The following VPS13B variants were observed in gnomAD, a reference collection of about 807,000 sequenced individuals.
VPS13B encodes the protein intermembrane lipid transfer protein VPS13B.
Under a neutral mutation model 426.4 loss-of-function variants are expected in VPS13B, and 285 were observed. The observed-to-expected ratio is 0.67, with a 90% CI of 0.61 to 0.74. VPS13B has a LOEUF of 0.74. Among genes scored for constraint, VPS13B ranks in the 30% least tolerant of loss-of-function variants. VPS13B has a pLI of 0.00. For missense variants in VPS13B, 4,537 were observed against 4,782.6 expected (o/e 0.95, Z 1.51); for synonymous variants, 1,676 against 1,676.4 (o/e 1.00, Z 0.01).
At chr8:99,051,363 G>A (rs1393342233) in intron 3 of VPS13B, among the ~76,000 whole-genome samples, 2 of 151,752 alleles carry the variant, frequency 1.3e-5, no homozygotes, top group African/African-American at 4.8e-5. Context: ...TATTTCTGAG[G>A]GCTCTGTTCT....
intron 19 of VPS13B, among the ~76,000 whole-genome samples, chr8:99,314,019 G>A (rs774190870): frequency 1.4e-4 from 21 of 152,194 alleles, no homozygotes; most frequent in Admixed American, 1.2e-3. Flanking sequence ...CGTTGGAAAA[G>A]TGTAGTAGTA....
intron 19 of VPS13B, among the ~76,000 whole-genome samples, chr8:99,301,040 C>T (rs1411969206): frequency 1.3e-5 from 2 of 151,662 alleles, no homozygotes; most frequent in Non-Finnish European, 2.9e-5. Context: ...CATGGTGAAA[C>T]CCCATCTCTA....
chr8:99,745,682 T>C (rs1360188324), intron 39 of VPS13B, among the ~76,000 whole-genome samples: 2 of 152,068 alleles, frequency 1.3e-5, no homozygotes, highest in South Asian at 2.1e-4. Flanking sequence ...GACTACTCTA[T>C]ATAGAAGTAG....
intron 35 of VPS13B, among the ~76,000 whole-genome samples, chr8:99,685,468 G>A (rs544228079): frequency 6.6e-6 from 1 of 152,284 alleles, no homozygotes; most frequent in South Asian, 2.1e-4. Flanking sequence ...ACATAATCTA[G>A]TTCCTTGTGG....
At chr8:99,813,157 A>G (rs1004950552) in intron 44 of VPS13B, among the ~76,000 whole-genome samples, 1 of 152,166 alleles carries the variant, frequency 6.6e-6, no homozygotes, top group Non-Finnish European at 1.5e-5. Flanking sequence ...CTGAGTGACC[A>G]TTTTTGGATT....
intron 17 of VPS13B, among the ~76,000 whole-genome samples, chr8:99,249,433 T>G (rs1404541024): frequency 1.3e-5 from 2 of 151,354 alleles, no homozygotes. Flanking sequence ...AATGGTTTTT[T>G]TTTTTTTTTT....
rs1215704907 is a variant in VPS13B, at chr8:99,556,035, A to G, written c.4746-415A>G. Among the ~76,000 whole-genome samples, 4 of 151,972 alleles carry G rather than the reference A, an allele frequency of 2.6e-5. No individual in the cohort carries two copies. The East Asian group carries it at 5.8e-4, about 22-fold the overall frequency. On this transcript the variant is annotated intron_variant, in intron 30 of 61. Coordinates refer to ENST00000357162, the MANE Select transcript of VPS13B (RefSeq NM_152564.5). ...AAAACAAAAAACAAACAAACAAAAA[A>G]CCCTGTATTTGTGTTGTAGTTTTGT...
Position 99,142,974 on chromosome 8 carries a change from G to A in VPS13B, c.1652G>A (p.Gly551Asp). The change falls in exon 13 of 62, where the codon GGT becomes GAT. Residue 551 changes from glycine (G) to aspartate (D), a missense_variant and splice_region_variant. Around this residue, in one of 2 missense-constraint regions of VPS13B, gnomAD observed 4,311 missense variants for 4,474.3 expected, o/e 0.96. Coordinates refer to ENST00000357162, the MANE Select transcript of VPS13B (RefSeq NM_152564.5). ...LYTMENTSGKGSTNQQDFSSG... is the reference protein window; with the variant it reads ...LYTMENTSGKDSTNQQDFSSG... ...AAATATAAAATTTGACTTCTTTTAGGTTCCACAAATCAACAAGACTTTTCT... is the reference window on the plus strand; with the variant it reads ...AAATATAAAATTTGACTTCTTTTAGATTCCACAAATCAACAAGACTTTTCT... 1 of 1,612,540 alleles carries A rather than the reference G, an allele frequency of 6.2e-7. No individual in the cohort carries two copies.
At chr8:99,071,980 C>T (rs1185016162) in intron 3 of VPS13B, among the ~76,000 whole-genome samples, 1 of 152,124 alleles carries the variant, frequency 6.6e-6, no homozygotes, top group Admixed American at 6.5e-5. Flanking sequence ...AGTGGGCTCC[C>T]CTCTGGCCCA....
chr8:99,666,010 A>G (rs1002849408), intron 35 of VPS13B, among the ~76,000 whole-genome samples: 3 of 152,108 alleles, frequency 2.0e-5, no homozygotes, highest in Non-Finnish European at 2.9e-5. Flanking sequence ...AGTGGTTTGT[A>G]GTTCTCCTTG....
intron 36 of VPS13B, among the ~76,000 whole-genome samples, chr8:99,713,669 T>C (rs1832795891): frequency 6.6e-6 from 1 of 152,172 alleles, no homozygotes; most frequent in African/African-American, 2.4e-5. Context: ...CTAGCAACAG[T>C]GACACCCCAG....
rs1241992024 is a variant in VPS13B, at chr8:99,274,217, C to T, written c.2535C>T (p.Pro845=). Reference sequence around the variant, plus strand: ...TATTAGGTGTGAAATCTAAGAATCCCCTGCCAACTCTTGAGGGCTCAATCC... The same window carrying T: ...TATTAGGTGTGAAATCTAAGAATCCTCTGCCAACTCTTGAGGGCTCAATCC... ...FLSIGVKSKN[P]LPTLEGSIQN... Residue 845 remains proline, a synonymous_variant, in exon 18 of 62, where the codon CCC becomes CCT. Transcript: ENST00000357162. 1.2e-6 allele frequency: 2 copies of T among 1,613,954 alleles called. No individual in the cohort carries two copies. The highest frequency in any genetic ancestry group is 2.7e-5 in the African/African-American group (2 of 74,882).
At position 99,511,325 on chromosome 8, in the gene VPS13B, A is replaced by T; in HGVS notation, c.4446A>T (p.Leu1482Phe). 6.2e-7 allele frequency: 1 copy of T among 1,613,880 alleles called. No individual in the cohort carries two copies. The highest frequency in any genetic ancestry group is 8.5e-7 in the Non-Finnish European group (1 of 1,179,972). ...QAFDIVLYFP[L>F]LNAIASIFQA... The stretch of plus-strand genomic sequence containing the variant: ...TTGATATTGTTCTTTATTTTCCTTT[A>T]CTTAATGCCATTGCAAGTATATTTC... Residue 1482 changes from leucine to phenylalanine, a missense_variant, in exon 29 of 62, where the codon TTA (leucine) becomes TTT (phenylalanine). Around this residue, in one of 2 missense-constraint regions of VPS13B, gnomAD observed 4,311 missense variants for 4,474.3 expected, o/e 0.96. Transcript: ENST00000357162.
chr8:99,829,186 G>A (rs1320003627), intron 51 of VPS13B, among the ~76,000 whole-genome samples: 1 of 152,200 alleles, frequency 6.6e-6, no homozygotes, highest in Non-Finnish European at 1.5e-5. Flanking sequence ...ATATCCTGAA[G>A]TGTGTTTTCC....
At chr8:99,187,112 G>C (rs1449867797) in intron 16 of VPS13B, among the ~76,000 whole-genome samples, 1 of 152,126 alleles carries the variant, frequency 6.6e-6, no homozygotes, top group African/African-American at 2.4e-5. Context: ...TTGCCACAGA[G>C]TGCCTGAAGA....
chr8:99,183,072 G>GA (rs1813030047), intron 16 of VPS13B, among the ~76,000 whole-genome samples: 2 of 151,776 alleles, frequency 1.3e-5, no homozygotes, highest in East Asian at 1.9e-4. Context: ...GGCCGTCATG[G>GA]AAAAAAAAGA....
chr8:99,669,829 G>GT (rs1830634608), intron 35 of VPS13B, among the ~76,000 whole-genome samples: 1 of 152,016 alleles, frequency 6.6e-6, no homozygotes, highest in African/African-American at 2.4e-5. Flanking sequence ...TTTGAATACA[G>GT]TTTTCTCCTT....
At chr8:99,382,134 G>T (rs1813849855) in intron 19 of VPS13B, among the ~76,000 whole-genome samples, 1 of 151,978 alleles carries the variant, frequency 6.6e-6, no homozygotes, top group Admixed American at 6.6e-5. Context: ...TAAGATAGTT[G>T]TAGGTGTGTG....
intron 39 of VPS13B, among the ~76,000 whole-genome samples, chr8:99,744,508 G>C (rs1230116574): frequency 4.6e-5 from 7 of 152,144 alleles, no homozygotes; most frequent in Non-Finnish European, 1.0e-4. Context: ...CTGCTATAAA[G>C]ACACATGCAC....
Sources: gnomAD v4.1 joint callset for allele counts (sites outside exome capture counted in the v4.1 genomes callset) on GRCh38, gnomAD v4.1.1 for gene constraint, gnomAD v4.1.1 regional missense constraint, MANE v1.5 for transcripts, NCBI Gene and HGNC (gene_info 2026-07-23, HGNC 2026-07-21) for gene names.